The following ZNF215 variants were observed in gnomAD, a reference collection of about 807,000 sequenced individuals.
ZNF215 encodes the protein zinc finger protein 215, also known as BWSCR2-associated zinc finger protein 2.
In ZNF215, 24 loss-of-function variants were observed where a neutral mutation model predicts 27.2. The observed-to-expected ratio is 0.88, with a 90% confidence interval of 0.64 to 1.24. The LOEUF (loss-of-function observed/expected upper bound fraction) is 1.24. Ranked by LOEUF, ZNF215 falls within the 50% of genes most tolerant of loss-of-function variation. The pLI is 0.00. For missense variants in ZNF215, 675 were observed against 605.7 expected (o/e 1.11, Z -1.20); for synonymous variants, 210 against 204.0 (o/e 1.03, Z -0.25).
intron 6 of ZNF215, among the ~76,000 whole-genome samples, chr11:6,948,385 C>T (rs1475625104): frequency 6.6e-6 from 1 of 152,306 alleles, no homozygotes; most frequent in South Asian, 2.1e-4. Context: ...CCAGTGTACA[C>T]TGGTGAGGCG....
intron 2 of ZNF215, among the ~76,000 whole-genome samples, chr11:6,928,320 T>G (rs1022178500): frequency 6.6e-6 from 1 of 152,180 alleles, no homozygotes; most frequent in African/African-American, 2.4e-5. Flanking sequence ...TCTGTCAGAG[T>G]CTGAGAAAGT....
chr11:6,957,860 G>T lies in ZNF215; in HGVS notation c.*1329G>T. On this transcript the variant is annotated 3_prime_UTR_variant, in exon 7 of 7. Coordinates refer to ENST00000278319, the MANE Select transcript of ZNF215 (RefSeq NM_013250.4). ...TCTGTACACCAGAACTGTGTCTTCT[G>T]TAAACTACCTCAGGATCCCATCTGG... 1 of 985,364 alleles carries T rather than the reference G, an allele frequency of 1.0e-6. No individual in the cohort carries two copies. The highest frequency in any genetic ancestry group is 4.7e-5 in the South Asian group (1 of 21,276). The allele number at this position is 985,364 out of a possible 1,614,324, so 61.0% of individuals were successfully genotyped here.
downstream of ZNF215, among the ~76,000 whole-genome samples, chr11:6,985,675 A>T (rs1433426139): frequency 6.6e-6 from 1 of 152,198 alleles, no homozygotes; most frequent in Admixed American, 6.5e-5. Context: ...GCTTATAAAC[A>T]ATTTCAGGAA....
chr11:6,944,698 A>G (rs1437073910), intron 6 of ZNF215, among the ~76,000 whole-genome samples: 1 of 152,108 alleles, frequency 6.6e-6, no homozygotes, highest in Non-Finnish European at 1.5e-5. Flanking sequence ...TGTAGTATTA[A>G]CATTTTTTAA....
At chr11:6,951,216 A>T (rs1316288397) in intron 6 of ZNF215, among the ~76,000 whole-genome samples, 8 of 151,554 alleles carry the variant, frequency 5.3e-5, no homozygotes, top group Non-Finnish European at 1.2e-4. Context: ...TGTCTCTGCC[A>T]GGCTTTGGTA....
In ZNF215 at chr11:6,929,673, G is replaced by C. The variant is rs551108942; in HGVS notation, c.-180+1866G>C. On this transcript the variant is annotated intron_variant, in intron 2 of 6. Coordinates refer to ENST00000278319, the MANE Select transcript of ZNF215 (RefSeq NM_013250.4). ...AAATGCCATTTTATCACATTGTCTCGAGGCTACATACTGCCAACATGACTT... is the reference window on the plus strand; with the variant it reads ...AAATGCCATTTTATCACATTGTCTCCAGGCTACATACTGCCAACATGACTT... Among the ~76,000 whole-genome samples the C allele has an allele frequency of 3.3e-5, 5 of 152,220 alleles. No individual in the cohort carries two copies. In the South Asian group the frequency reaches 8.3e-4, roughly 25 times the overall value.
chr11:6,956,771 A>G lies in ZNF215; in HGVS notation c.*240A>G, dbSNP rs1294175186. On this transcript the variant is annotated 3_prime_UTR_variant, in exon 7 of 7. Transcript: ENST00000278319. ...TTTGGAGTTAAACCACAGTATCACC[A>G]TACAAGTATTTGTTTATCATTATTT... 2.3e-6 allele frequency: 3 copies of G among 1,284,230 alleles called. No homozygotes were observed. Among genetic ancestry groups the G allele is most frequent in the Non-Finnish European group, 2.9e-6 (3 of 1,018,928 alleles). The allele number at this position is 1,284,230 out of a possible 1,614,324, so 79.6% of individuals were successfully genotyped here.
downstream of ZNF215, among the ~76,000 whole-genome samples, chr11:6,959,322 A>G (rs1386015893): frequency 6.6e-6 from 1 of 152,192 alleles, no homozygotes; most frequent in African/African-American, 2.4e-5. Context: ...TTCATTTCAT[A>G]GAGGTAAAGC....
downstream of ZNF215, among the ~76,000 whole-genome samples, chr11:6,959,147 A>C (rs185431535): frequency 4.6e-4 from 70 of 152,318 alleles, no homozygotes; most frequent in Admixed American, 1.1e-3. Flanking sequence ...AAGCTGAAAC[A>C]TGAAGAGTGT....
At chr11:6,988,238 G>GA (rs1270228109), downstream of ZNF215, 13 of 985,546 alleles carry the variant, frequency 1.3e-5, no homozygotes, top group Non-Finnish European at 1.4e-5. Context: ...GAAGGAAGCA[G>GA]AATGAGGGGC....
chr11:6,951,980 T>C (rs1850089431), intron 6 of ZNF215, among the ~76,000 whole-genome samples: 1 of 152,222 alleles, frequency 6.6e-6, no homozygotes, highest in South Asian at 2.1e-4. Flanking sequence ...TCTGCCTTCA[T>C]TTCGTTATGC....
chr11:6,949,576 G>A (rs999417351), intron 6 of ZNF215, among the ~76,000 whole-genome samples: 11 of 152,076 alleles, frequency 7.2e-5, no homozygotes, highest in Non-Finnish European at 1.3e-4. Flanking sequence ...TGTTGATGGC[G>A]TTGTTTGTTT....
intron 5 of ZNF215, among the ~76,000 whole-genome samples, chr11:6,981,964 C>T (rs539157036): frequency 7.2e-5 from 11 of 152,166 alleles, no homozygotes; most frequent in South Asian, 6.2e-4. Flanking sequence ...TTCCATTGAT[C>T]GATATCTCTG....
chr11:6,939,026 G>C (rs974714688), intron 3 of ZNF215, among the ~76,000 whole-genome samples: 30 of 152,084 alleles, frequency 2.0e-4, no homozygotes, highest in African/African-American at 7.2e-4. Flanking sequence ...ATAAAAGTTG[G>C]AGAATATACA....
At chr11:6,993,102 G>C (rs534842864), downstream of ZNF215, among the ~76,000 whole-genome samples, 3 of 152,176 alleles carry the variant, frequency 2.0e-5, no homozygotes, top group African/African-American at 2.4e-5. Flanking sequence ...TTGTCACGCT[G>C]TCAGCCTACC....
chr11:6,929,783 C>T (rs1345618513), intron 2 of ZNF215, among the ~76,000 whole-genome samples: 2 of 151,716 alleles, frequency 1.3e-5, no homozygotes, highest in Admixed American at 1.3e-4. Context: ...CCCCCTCCCC[C>T]CACCCCACAG....
intron 5 of ZNF215, among the ~76,000 whole-genome samples, chr11:6,973,593 C>T (rs1331579084): frequency 6.6e-6 from 1 of 152,190 alleles, no homozygotes; most frequent in African/African-American, 2.4e-5. Flanking sequence ...GCCATTCTAA[C>T]TGGTGTGAGA....
intron 5 of ZNF215, among the ~76,000 whole-genome samples, chr11:6,971,720 A>G (rs1469266169): frequency 6.6e-6 from 1 of 152,152 alleles, no homozygotes; most frequent in Non-Finnish European, 1.5e-5. Context: ...AGGAAGAAAT[A>G]TATGGAATGA....
chr11:6,931,997 A>T, intron 2 of ZNF215, 97 bp from the exon 3 acceptor site: 1 of 305,736 alleles, frequency 3.3e-6, no homozygotes, highest in African/African-American at 2.1e-5. Context: ...AGAATCCATA[A>T]TATGCATTTT....
Sources: gnomAD v4.1 joint callset for allele counts (sites outside exome capture counted in the v4.1 genomes callset) on GRCh38, gnomAD v4.1.1 for gene constraint, MANE v1.5 for transcripts, NCBI Gene and HGNC (gene_info 2026-07-23, HGNC 2026-07-21) for gene names.